The following LRP1B variants were observed in gnomAD, a reference collection of about 807,000 sequenced individuals.
The protein encoded by LRP1B is LDL receptor related protein 1B.
Under a neutral mutation model 556.6 loss-of-function variants are expected in LRP1B, and 217 were observed. That is an observed-to-expected ratio of 0.39 (90% CI 0.35 to 0.44). LRP1B has a LOEUF of 0.44. LRP1B is among the 20% of genes least tolerant of loss of function. LRP1B has a pLI of 1.00. For missense variants in LRP1B, 5,053 were observed against 5,620.8 expected, an observed-to-expected ratio of 0.90 and a Z score of 3.23; for synonymous variants, 2,047 against 1,865.8, an observed-to-expected ratio of 1.10 and a Z score of -2.50.
intron 1 of LRP1B, among the ~76,000 whole-genome samples, chr2:142,082,678 T>G (rs560733904): frequency 1.3e-4 from 20 of 152,330 alleles, no homozygotes; most frequent in Admixed American, 5.9e-4. Context: ...CAATCACTTC[T>G]CTCTCAGCTT....
chr2:140,232,878 A>G lies in LRP1B; in HGVS notation c.*308T>C. The G allele has an allele frequency of 5.4e-6, 1 of 186,356 alleles. No homozygotes were observed. The highest frequency in any genetic ancestry group is 1.1e-5 in the Non-Finnish European group (1 of 91,008). The allele number at this position is 186,356 out of a possible 1,614,324, so 11.5% of individuals were successfully genotyped here. ...AACCAAAAAAGTTCATATAAAATAG[A>G]TTGCTCATATTCACACTACAAAGGA... On this transcript the variant is annotated 3_prime_UTR_variant, in exon 91 of 91. Transcript: ENST00000389484.
intron 84 of LRP1B, among the ~76,000 whole-genome samples, chr2:140,285,099 C>A (rs995375132): frequency 4.0e-5 from 6 of 149,492 alleles, no homozygotes; most frequent in East Asian, 4.0e-4. Context: ...ATATCTCTCT[C>A]TCTATATATA....
At chr2:140,780,855 A>C (rs11895991) in intron 32 of LRP1B, among the ~76,000 whole-genome samples, 63,998 of 152,010 alleles carry the variant, frequency 0.42, 13,692 homozygotes, top group African/African-American at 0.48. Context: ...CTTCCTTGAC[A>C]ACTAGAAGGT....
At chr2:141,020,554 A>C (rs780021252) in intron 11 of LRP1B, among the ~76,000 whole-genome samples, 2 of 152,036 alleles carry the variant, frequency 1.3e-5, no homozygotes, top group Non-Finnish European at 2.9e-5. Context: ...AATCGAAATA[A>C]TATGAATGTC....
chr2:141,657,950 T>C (rs1012357379), intron 2 of LRP1B, among the ~76,000 whole-genome samples: 7 of 152,200 alleles, frequency 4.6e-5, no homozygotes, highest in African/African-American at 1.7e-4. Context: ...AACGAAGTTC[T>C]AGAATGTTCC....
chr2:141,276,638 T>TTTTCTTTCTTTCTTTC (rs70991151), intron 3 of LRP1B, among the ~76,000 whole-genome samples: 20 of 137,252 alleles, frequency 1.5e-4, no homozygotes, highest in African/African-American at 4.6e-4. Context: ...CATTCTATTT[T>TTTTCTTTCTTTCTTTC]TTTCTTTCTT....
chr2:140,293,864 G>T (rs1683498536), intron 84 of LRP1B, among the ~76,000 whole-genome samples: 1 of 152,068 alleles, frequency 6.6e-6, no homozygotes, highest in Admixed American at 6.5e-5. Context: ...ACTACTTCGG[G>T]ACCTTGAGCA....
At chr2:142,076,653 T>C (rs1044725749) in intron 1 of LRP1B, among the ~76,000 whole-genome samples, 11 of 152,066 alleles carry the variant, frequency 7.2e-5, no homozygotes, top group African/African-American at 2.7e-4. Context: ...TTCTTTAAAG[T>C]GGAACAAGGG....
At chr2:140,589,295 A>G (rs1682120706) in intron 43 of LRP1B, among the ~76,000 whole-genome samples, 1 of 152,208 alleles carries the variant, frequency 6.6e-6, no homozygotes, top group African/African-American at 2.4e-5. Context: ...CACATAGCCA[A>G]CAAAAAAGTA....
At chr2:140,650,648 C>T (rs984673906) in intron 41 of LRP1B, among the ~76,000 whole-genome samples, 3 of 152,004 alleles carry the variant, frequency 2.0e-5, no homozygotes, top group Non-Finnish European at 4.4e-5. Flanking sequence ...CATGCCCGGC[C>T]GACAGTTAAA....
chr2:141,275,400 C>A (rs565486296), intron 3 of LRP1B, among the ~76,000 whole-genome samples: 2 of 152,046 alleles, frequency 1.3e-5, no homozygotes, highest in Non-Finnish European at 2.9e-5. Flanking sequence ...GGTACCTAAA[C>A]TGGAAAAGTC....
At chr2:141,202,203 C>T (rs911055654) in intron 6 of LRP1B, among the ~76,000 whole-genome samples, 1 of 152,110 alleles carries the variant, frequency 6.6e-6, no homozygotes, top group African/African-American at 2.4e-5. Context: ...ACTGAGAACT[C>T]CAGCTCCATC....
chr2:140,987,490 C>G (rs1391717445), intron 17 of LRP1B, among the ~76,000 whole-genome samples: 1 of 151,994 alleles, frequency 6.6e-6, no homozygotes, highest in Non-Finnish European at 1.5e-5. Flanking sequence ...TTTACTTTTA[C>G]TACTATAAAT....
intron 41 of LRP1B, among the ~76,000 whole-genome samples, chr2:140,666,797 G>C (rs1206296676): frequency 3.3e-5 from 5 of 152,158 alleles, no homozygotes; most frequent in Non-Finnish European, 7.3e-5. Context: ...TGAAAAGAAA[G>C]TTGGTTTTGA....
At chr2:141,318,109 G>A (rs112214213) in intron 3 of LRP1B, among the ~76,000 whole-genome samples, 3,451 of 152,136 alleles carry the variant, frequency 0.023, 67 homozygotes, top group Non-Finnish European at 0.036. Flanking sequence ...TCCTAAAATA[G>A]GATTTATGTT....
intron 41 of LRP1B, among the ~76,000 whole-genome samples, chr2:140,655,566 TAG>T (rs1684848633): frequency 6.6e-6 from 1 of 152,172 alleles, no homozygotes; most frequent in South Asian, 2.1e-4. Flanking sequence ...TCAAAGAATG[TAG>T]AGACTGAATT....
chr2:140,657,225 T>C (rs1401672294), intron 41 of LRP1B, among the ~76,000 whole-genome samples: 1 of 152,040 alleles, frequency 6.6e-6, no homozygotes, highest in Non-Finnish European at 1.5e-5. Context: ...ATTTGATTGC[T>C]TTATTTCATA....
intron 43 of LRP1B, among the ~76,000 whole-genome samples, chr2:140,546,595 C>T (rs1307525468): frequency 6.6e-6 from 1 of 152,072 alleles, no homozygotes; most frequent in African/African-American, 2.4e-5. Context: ...CACTCACTAT[C>T]ATGAGAACAG....
chr2:140,811,267 A>G lies in LRP1B; in HGVS notation c.5359+2390T>C, dbSNP rs1364599224. On this transcript the variant is annotated intron_variant, in intron 32 of 90. Coordinates refer to ENST00000389484, the MANE Select transcript of LRP1B (RefSeq NM_018557.3). ...TTCAAATTTTCTCCTTCTTCCATTT[A>G]TCAGTCAACAAACCTAACATCTTTA... is the stretch of plus-strand genomic sequence containing the variant. Among the ~76,000 whole-genome samples, 4 of 152,272 alleles carry G rather than the reference A, an allele frequency of 2.6e-5. No individual in the cohort carries two copies. The East Asian group carries it at 5.8e-4, about 22-fold the overall frequency.
Sources: gnomAD v4.1 joint callset for allele counts (sites outside exome capture counted in the v4.1 genomes callset) on GRCh38, gnomAD v4.1.1 for gene constraint, MANE v1.5 for transcripts, NCBI Gene and HGNC (gene_info 2026-07-23, HGNC 2026-07-21) for gene names.